TRAPPC9: variants seen among roughly 807,000 people sequenced by gnomAD.
TRAPPC9 encodes trafficking protein particle complex subunit 9, also known as IKK2 binding protein.
Under a neutral mutation model 124.0 loss-of-function variants are expected in TRAPPC9, and 83 were observed. That is an observed-to-expected ratio of 0.67 (90% CI 0.56 to 0.80). The LOEUF (loss-of-function observed/expected upper bound fraction) is 0.80. Ranked by LOEUF, TRAPPC9 falls within the 30% of genes least tolerant of loss-of-function variation. TRAPPC9 has a pLI of 0.00. For synonymous variants in TRAPPC9, 638 were observed against 617.5 expected (o/e 1.03, Z -0.49); for missense variants, 1,302 against 1,508.3 (o/e 0.86, Z 2.27).
intron 17 of TRAPPC9, among the ~76,000 whole-genome samples, chr8:140,148,053 C>A (rs1041650542): frequency 6.6e-6 from 1 of 152,238 alleles, no homozygotes; most frequent in Non-Finnish European, 1.5e-5. Context: ...AGCAGTGAAG[C>A]AGACACACCC....
chr8:140,210,475 TC>T (rs2063032523), intron 17 of TRAPPC9, among the ~76,000 whole-genome samples: 1 of 151,918 alleles, frequency 6.6e-6, no homozygotes, highest in Admixed American at 6.6e-5. Context: ...GACTTCCCCA[TC>T]CCCCCGTCTG....
At chr8:139,844,275 A>C (rs1015136199) in intron 21 of TRAPPC9, among the ~76,000 whole-genome samples, 1 of 152,200 alleles carries the variant, frequency 6.6e-6, no homozygotes, top group Non-Finnish European at 1.5e-5. Flanking sequence ...GCAACCTGAG[A>C]CCACACCCGG....
intron 9 of TRAPPC9, among the ~76,000 whole-genome samples, chr8:140,319,172 C>CTTTTTTT (rs35283714): frequency 4.2e-5 from 5 of 118,520 alleles, no homozygotes; most frequent in Non-Finnish European, 6.8e-5. Context: ...TTATTTTGAA[C>CTTTTTTT]TTTTTTTTTT....
At chr8:140,141,054 A>G (rs954108788) in intron 17 of TRAPPC9, among the ~76,000 whole-genome samples, 1 of 152,194 alleles carries the variant, frequency 6.6e-6, no homozygotes, top group South Asian at 2.1e-4. Context: ...ACTATAAGCA[A>G]CTTGTGGGCA....
intron 13 of TRAPPC9, among the ~76,000 whole-genome samples, chr8:140,286,246 G>T (rs1344928670): frequency 6.6e-6 from 1 of 152,190 alleles, no homozygotes; most frequent in African/African-American, 2.4e-5. Context: ...GAAGTAGGAG[G>T]GGAGAGGCAG....
intron 16 of TRAPPC9, among the ~76,000 whole-genome samples, chr8:140,239,708 G>A (rs2063814821): frequency 6.6e-6 from 1 of 152,208 alleles, no homozygotes; most frequent in African/African-American, 2.4e-5. Flanking sequence ...CTGGCCTCAG[G>A]AAAGAACCCA....
At chr8:140,420,776 T>C (rs576296851) in intron 5 of TRAPPC9, among the ~76,000 whole-genome samples, 6 of 152,296 alleles carry the variant, frequency 3.9e-5, no homozygotes, top group Admixed American at 2.6e-4. Context: ...TTTTCATAAA[T>C]TGAAAACTTA....
In TRAPPC9 at chr8:139,776,883, C is replaced by T. The variant is rs1296518606; in HGVS notation, c.3056-44681G>A. Among the ~76,000 whole-genome samples the T allele has an allele frequency of 2.6e-5, 4 of 152,224 alleles. No homozygotes were observed. The highest frequency in any genetic ancestry group is 2.6e-4 in the Admixed American group (4 of 15,286). On this transcript the variant is annotated intron_variant, in intron 21 of 22. Coordinates refer to ENST00000438773, the MANE Select transcript of TRAPPC9 (RefSeq NM_001160372.4). The surrounding 1 kb of genome is among the most constrained non-coding windows in gnomAD (Gnocchi z 4.1). ...TATAAAATGACAACATGGTTACTTT[C>T]GCCTAAACCACCAATTGATGACGTG...
chr8:140,420,490 G>C (rs1312476039), intron 5 of TRAPPC9, among the ~76,000 whole-genome samples: 1 of 152,052 alleles, frequency 6.6e-6, no homozygotes, highest in African/African-American at 2.4e-5. Flanking sequence ...TACCTGGGGT[G>C]GGGGAGGTAT....
chr8:140,276,876 C>A (rs1312900324), intron 14 of TRAPPC9, among the ~76,000 whole-genome samples: 1 of 152,136 alleles, frequency 6.6e-6, no homozygotes, highest in African/African-American at 2.4e-5. Flanking sequence ...TTCTTCCTGT[C>A]CCTGAAGGAT....
At chr8:140,038,553 C>T (rs1220885809) in intron 17 of TRAPPC9, among the ~76,000 whole-genome samples, 1 of 152,152 alleles carries the variant, frequency 6.6e-6, no homozygotes, top group East Asian at 1.9e-4. Flanking sequence ...GATGAGTGGC[C>T]CTGGCTCCAC....
intron 21 of TRAPPC9, among the ~76,000 whole-genome samples, chr8:139,873,988 C>T (rs1198815271): frequency 6.6e-6 from 1 of 152,246 alleles, no homozygotes. Context: ...AGGATCCAGA[C>T]TGACCCACAG....
intron 19 of TRAPPC9, among the ~76,000 whole-genome samples, chr8:139,956,575 T>C (rs76023556): frequency 4.5e-4 from 68 of 152,340 alleles, no homozygotes; most frequent in Middle Eastern, 6.8e-3. Flanking sequence ...GTCTCGTACA[T>C]GGCAAATGCC....
At chr8:140,187,155 C>T (rs1337076173) in intron 17 of TRAPPC9, among the ~76,000 whole-genome samples, 2 of 152,146 alleles carry the variant, frequency 1.3e-5, no homozygotes, top group Non-Finnish European at 2.9e-5. Flanking sequence ...CACTCATATG[C>T]GGGTTTTCTC....
chr8:140,251,271 AC>A (rs2064126338), intron 16 of TRAPPC9, among the ~76,000 whole-genome samples: 1 of 152,060 alleles, frequency 6.6e-6, no homozygotes, highest in Non-Finnish European at 1.5e-5. Context: ...ATTCTGCCAA[AC>A]CCCCTTCTTG....
chr8:140,088,920 C>A (rs1348583185), intron 17 of TRAPPC9, among the ~76,000 whole-genome samples: 1 of 152,158 alleles, frequency 6.6e-6, no homozygotes, highest in Admixed American at 6.5e-5. Flanking sequence ...TCTCAGCACA[C>A]GTAAATGCAG....
chr8:139,761,978 G>C (rs1040383099), intron 21 of TRAPPC9, among the ~76,000 whole-genome samples: 6 of 151,666 alleles, frequency 4.0e-5, no homozygotes, highest in Non-Finnish European at 8.8e-5. Flanking sequence ...TTTTACACTT[G>C]TACAGGCAAA....
At chr8:140,418,779 C>T (rs981812443) in intron 5 of TRAPPC9, among the ~76,000 whole-genome samples, 78 of 144,442 alleles carry the variant, frequency 5.4e-4, no homozygotes, top group African/African-American at 1.5e-3. Context: ...GATAGACAGA[C>T]AGACAGACAG....
intron 17 of TRAPPC9, among the ~76,000 whole-genome samples, chr8:140,155,231 A>G (rs574898666): frequency 6.6e-6 from 1 of 152,326 alleles, no homozygotes; most frequent in Admixed American, 6.5e-5. Flanking sequence ...AAAGACAGAG[A>G]GGCTTAGGAG....
Sources: gnomAD v4.1 joint callset for allele counts (sites outside exome capture counted in the v4.1 genomes callset) on GRCh38, gnomAD v4.1.1 for gene constraint, Gnocchi (gnomAD v3.1) non-coding constraint, MANE v1.5 for transcripts, NCBI Gene and HGNC (gene_info 2026-07-23, HGNC 2026-07-21) for gene names.